TLN2: variants seen among roughly 807,000 people sequenced by gnomAD.
TLN2 encodes the protein talin 2, also known as talin-2.
A neutral mutation model predicts 294.7 loss-of-function variants in TLN2; 118 were observed. That is an observed-to-expected ratio of 0.40 (90% CI 0.34 to 0.47). The LOEUF (loss-of-function observed/expected upper bound fraction) is 0.47. Among genes scored for constraint, TLN2 ranks in the 20% least tolerant of loss-of-function variants. The pLI, the probability that TLN2 is intolerant of heterozygous loss-of-function variation, is 0.84. For synonymous variants in TLN2, 1,431 were observed against 1,304.5 expected, an observed-to-expected ratio of 1.10 and a Z score of -2.09; for missense variants, 3,083 against 3,282.2, an observed-to-expected ratio of 0.94 and a Z score of 1.48.
At chr15:62,670,945 T>C (rs1002172231) in intron 9 of TLN2, among the ~76,000 whole-genome samples, 2 of 152,252 alleles carry the variant, frequency 1.3e-5, no homozygotes, top group African/African-American at 2.4e-5. Flanking sequence ...TGTCAACACT[T>C]GCTGTTGTCC....
intron 54 of TLN2, among the ~76,000 whole-genome samples, chr15:62,825,756 AT>A (rs1437382610): frequency 7.1e-5 from 7 of 98,022 alleles, no homozygotes; most frequent in African/African-American, 3.4e-4. Context: ...ATTAAATATA[AT>A]TATAATTATA....
chr15:62,431,522 A>G (rs999177685), intron 1 of TLN2, among the ~76,000 whole-genome samples: 5 of 152,236 alleles, frequency 3.3e-5, no homozygotes, highest in African/African-American at 4.8e-5. Context: ...ATGTGACCAT[A>G]CTGCTTGTTT....
intron 1 of TLN2, among the ~76,000 whole-genome samples, chr15:62,580,885 T>C (rs1187840904): frequency 1.3e-5 from 2 of 151,758 alleles, no homozygotes; most frequent in Non-Finnish European, 2.9e-5. Context: ...GATTTTTTTT[T>C]TTTTTTTTTC....
intron 16 of TLN2, among the ~76,000 whole-genome samples, chr15:62,699,604 G>C (rs980989721): frequency 6.6e-6 from 1 of 152,198 alleles, no homozygotes; most frequent in African/African-American, 2.4e-5. Context: ...CGTGGTCCCA[G>C]GACCAGCAGC....
chr15:62,399,256 C>CAAAAAAAAAAAAAAAAAAAAA (rs546678440), intron 1 of TLN2, among the ~76,000 whole-genome samples: 2 of 58,430 alleles, frequency 3.4e-5, no homozygotes, highest in African/African-American at 7.4e-5. Context: ...CCGTCTCAAA[C>CAAAAAAAAAAAAAAAAAAAAA]AAAAAAAAAA....
intron 5 of TLN2, among the ~76,000 whole-genome samples, chr15:62,650,737 G>C (rs577751704): frequency 6.6e-6 from 1 of 152,314 alleles, no homozygotes; most frequent in South Asian, 2.1e-4. Context: ...GTTTTGGTAT[G>C]TAGGGTGAAG....
intron 9 of TLN2, 83 bp from the exon 10 acceptor site, chr15:62,673,744 A>G (rs924858784): frequency 5.3e-5 from 56 of 1,055,508 alleles, no homozygotes; most frequent in Non-Finnish European, 6.9e-5. Context: ...TGAGTTAACT[A>G]TGAGTTTTAT....
At chr15:62,479,810 C>T (rs2037983737) in intron 1 of TLN2, among the ~76,000 whole-genome samples, 1 of 152,180 alleles carries the variant, frequency 6.6e-6, no homozygotes. Flanking sequence ...ACAGTGAGCC[C>T]CTTGAGGGCA....
rs1384325448 is a variant in TLN2 at position 62,783,855 on chromosome 15, G to A, written c.5701G>A (p.Gly1901Ser). The A allele has an allele frequency of 6.2e-7, 1 of 1,613,966 alleles. No homozygotes were observed. The highest frequency in any genetic ancestry group is 2.2e-5 in the East Asian group (1 of 44,870). ...TSDYGHLAFQ[G>S]QMAAATAEPE... is the part of the protein sequence containing the mutation. Reference sequence around the variant, plus strand: ...TGACTATGGGCACCTGGCTTTCCAGGGCCAGATGGCAGCAGCCACGGCGGA... The same window carrying A: ...TGACTATGGGCACCTGGCTTTCCAGAGCCAGATGGCAGCAGCCACGGCGGA... Residue 1901 changes from glycine to serine, a missense_variant, in exon 45 of 59, where the codon GGC (glycine) becomes AGC (serine). By Grantham distance (56) the Gly-to-Ser change is moderately conservative (BLOSUM62 0). Coordinates refer to ENST00000636159, the MANE Select transcript of TLN2 (RefSeq NM_015059.3).
In TLN2 at chr15:62,481,207, AGTT is replaced by A. The variant is rs572791918; in HGVS notation, c.-238+90526_-238+90528del. 6.1e-5 allele frequency among the ~76,000 whole-genome samples: 9 copies of A among 147,136 alleles called. 2 individuals are homozygous for A. The East Asian group carries it at 1.8e-3, about 29-fold the overall frequency. On this transcript the variant is annotated intron_variant, in intron 1 of 58. Transcript: ENST00000636159. The stretch of plus-strand genomic sequence containing the variant: ...GGGATGATTTAACTGAGAAGTTGCA[AGTT>A]GTTCTTTTTTCTTTTTTTTTTCTCT...
At chr15:62,419,674 G>GTCT (rs1566956576) in intron 1 of TLN2, among the ~76,000 whole-genome samples, 1 of 151,664 alleles carries the variant, frequency 6.6e-6, no homozygotes, top group African/African-American at 2.4e-5. Context: ...GATGGGGACA[G>GTCT]TCTTCCTCTG....
intron 26 of TLN2, among the ~76,000 whole-genome samples, chr15:62,723,073 G>A (rs2060243334): frequency 6.6e-6 from 1 of 152,178 alleles, no homozygotes; most frequent in Non-Finnish European, 1.5e-5. Flanking sequence ...TACTCTGTTT[G>A]ATGTGGTATT....
intron 34 of TLN2, 138 bp downstream of exon 34, chr15:62,750,629 C>T (rs1389178639): frequency 2.8e-6 from 2 of 726,376 alleles, no homozygotes; most frequent in Non-Finnish European, 4.8e-6. Flanking sequence ...ATTTGTGGAG[C>T]CCTTTGCTCA....
chr15:62,713,096 T>C (rs941362235), intron 22 of TLN2, among the ~76,000 whole-genome samples: 1 of 151,648 alleles, frequency 6.6e-6, no homozygotes, highest in Non-Finnish European at 1.5e-5. Context: ...GGTGAAACCC[T>C]GTCTCTAATA....
intron 1 of TLN2, among the ~76,000 whole-genome samples, chr15:62,406,953 A>G (rs967760024): frequency 6.6e-6 from 1 of 152,210 alleles, no homozygotes; most frequent in Admixed American, 6.5e-5. Flanking sequence ...TTGGACTTTA[A>G]CATATTTTTT....
intron 1 of TLN2, among the ~76,000 whole-genome samples, chr15:62,468,712 T>C (rs1020087640): frequency 1.4e-5 from 2 of 146,264 alleles, no homozygotes; most frequent in Non-Finnish European, 3.0e-5. Flanking sequence ...ACCACTGCAC[T>C]CCAGCCTGGG....
intron 1 of TLN2, among the ~76,000 whole-genome samples, chr15:62,507,227 T>A (rs2039669436): frequency 6.6e-6 from 1 of 152,228 alleles, no homozygotes; most frequent in Non-Finnish European, 1.5e-5. Flanking sequence ...GGTGTTGAAA[T>A]GTCTGTTTTT....
chr15:62,479,971 T>C (rs1221105304), intron 1 of TLN2, among the ~76,000 whole-genome samples: 1 of 152,248 alleles, frequency 6.6e-6, no homozygotes, highest in African/African-American at 2.4e-5. Context: ...GCACCACTGG[T>C]GAATACTTGA....
intron 9 of TLN2, among the ~76,000 whole-genome samples, chr15:62,671,619 A>T (rs1342453533): frequency 6.6e-6 from 1 of 152,220 alleles, no homozygotes; most frequent in Non-Finnish European, 1.5e-5. Context: ...TGGACTCTCA[A>T]TTCTATTCTA....
Sources: allele counts gnomAD v4.1 joint callset (sites outside exome capture counted in the v4.1 genomes callset), GRCh38; gene constraint gnomAD v4.1.1; transcripts MANE v1.5; gene names NCBI Gene and HGNC (gene_info 2026-07-23, HGNC 2026-07-21).